Variants in FER observed in about 807,000 individuals in gnomAD.
FER encodes FER tyrosine kinase.
Under a neutral mutation model 111.0 loss-of-function variants are expected in FER, and 63 were observed. That is an observed-to-expected ratio of 0.57 (90% CI 0.46 to 0.70). The LOEUF (loss-of-function observed/expected upper bound fraction) is 0.70, where lower values mean the gene tolerates loss of function less well. FER is among the 30% of genes least tolerant of loss of function. FER has a pLI of 0.00. For synonymous variants in FER, 327 were observed against 313.9 expected, an observed-to-expected ratio of 1.04 and a Z score of -0.44; for missense variants, 914 against 954.0, an observed-to-expected ratio of 0.96 and a Z score of 0.55.
chr5:108,928,245 A>G (rs1362185918), intron 10 of FER, among the ~76,000 whole-genome samples: 1 of 152,188 alleles, frequency 6.6e-6, no homozygotes, highest in African/African-American at 2.4e-5. Flanking sequence ...GGTGGATTTT[A>G]AAATCTGGCC....
At chr5:109,181,984 A>G (rs1244162301) in intron 18 of FER, among the ~76,000 whole-genome samples, 1 of 152,244 alleles carries the variant, frequency 6.6e-6, no homozygotes, top group Non-Finnish European at 1.5e-5. Context: ...GGAATTTCAT[A>G]CAAATGGAAT....
chr5:108,762,053 G>A (rs1314848191), intron 1 of FER, among the ~76,000 whole-genome samples: 1 of 152,090 alleles, frequency 6.6e-6, no homozygotes, highest in Non-Finnish European at 1.5e-5. Context: ...TGGGACTATA[G>A]GTGTGTGCCT....
At chr5:108,839,233 A>G (rs1228692822) in intron 5 of FER, among the ~76,000 whole-genome samples, 1 of 152,218 alleles carries the variant, frequency 6.6e-6, no homozygotes, top group Non-Finnish European at 1.5e-5. Flanking sequence ...AATAAGTAAG[A>G]AGAGCTGACC....
chr5:108,893,932 A>G (rs1338288035), intron 9 of FER, among the ~76,000 whole-genome samples: 1 of 151,926 alleles, frequency 6.6e-6, no homozygotes, highest in Admixed American at 6.6e-5. Context: ...GCTAATAAAG[A>G]CATACCCAAG....
chr5:108,798,708 C>T (rs994234529), intron 3 of FER, among the ~76,000 whole-genome samples: 8 of 151,946 alleles, frequency 5.3e-5, no homozygotes, highest in Non-Finnish European at 7.4e-5. Context: ...ATTAGCTGGG[C>T]GTGGTAGCAT....
At chr5:109,112,592 ATAT>A (rs913167084) in intron 17 of FER, among the ~76,000 whole-genome samples, 6 of 152,098 alleles carry the variant, frequency 3.9e-5, no homozygotes, top group African/African-American at 1.4e-4. Flanking sequence ...TTTCTTTTTC[ATAT>A]TTCCATCTTT....
intron 10 of FER, among the ~76,000 whole-genome samples, chr5:108,939,844 G>C (rs895345626): frequency 6.6e-6 from 1 of 151,910 alleles, no homozygotes; most frequent in African/African-American, 2.4e-5. Context: ...ACTAGTTGCA[G>C]TAACAAAAGG....
At chr5:108,788,354 C>T (rs539431108) in intron 2 of FER, among the ~76,000 whole-genome samples, 1 of 152,134 alleles carries the variant, frequency 6.6e-6, no homozygotes, top group Non-Finnish European at 1.5e-5. Context: ...CTGCTCCACT[C>T]CTGGCTCACC....
intron 5 of FER, among the ~76,000 whole-genome samples, chr5:108,844,123 T>TATATGTGTGTGAACAC (rs1761617318): frequency 7.4e-6 from 1 of 134,852 alleles, no homozygotes; most frequent in African/African-American, 2.8e-5. Flanking sequence ...TGTGAACACA[T>TATATGTGTGTGAACAC]ATATGTGTGT....
At chr5:109,025,370 C>A (rs1460793815) in intron 13 of FER, among the ~76,000 whole-genome samples, 1 of 152,082 alleles carries the variant, frequency 6.6e-6, no homozygotes, top group African/African-American at 2.4e-5. Flanking sequence ...GTATTTTATT[C>A]TCTTTGGAGC....
At chr5:108,882,287 A>G (rs1315791102) in intron 8 of FER, among the ~76,000 whole-genome samples, 1 of 152,032 alleles carries the variant, frequency 6.6e-6, no homozygotes, top group Non-Finnish European at 1.5e-5. Flanking sequence ...AATTGTTTCC[A>G]TTAAAAAAAA....
At chr5:108,988,312 AT>A (rs370330407) in intron 13 of FER, among the ~76,000 whole-genome samples, 335 of 152,220 alleles carry the variant, frequency 2.2e-3, no homozygotes, top group African/African-American at 7.6e-3. Flanking sequence ...TCATAGAATG[AT>A]TTAGGGAGTA....
intron 16 of FER, among the ~76,000 whole-genome samples, chr5:109,095,399 A>G (rs3822685): frequency 0.034 from 5,218 of 152,042 alleles, 149 homozygotes; most frequent in South Asian, 0.084. Flanking sequence ...CTAATGTTTC[A>G]GTTTGTTTCT....
intron 11 of FER, 152 bp from the exon 12 acceptor site, chr5:108,954,577 T>G (rs1758182708): frequency 3.4e-6 from 2 of 584,814 alleles, no homozygotes; most frequent in Admixed American, 3.4e-5. Flanking sequence ...CACCAGTACT[T>G]CAAAAGATAT....
intron 17 of FER, among the ~76,000 whole-genome samples, chr5:109,105,762 C>A (rs1748840397): frequency 6.6e-6 from 1 of 152,124 alleles, no homozygotes; most frequent in Non-Finnish European, 1.5e-5. Flanking sequence ...TAACAGCTGG[C>A]ATTTATTAAG....
At chr5:109,120,586 C>G (rs923715794) in intron 17 of FER, among the ~76,000 whole-genome samples, 1 of 151,950 alleles carries the variant, frequency 6.6e-6, no homozygotes, top group Non-Finnish European at 1.5e-5. Context: ...TATTCTGGGT[C>G]TTTTGTGGTT....
intron 17 of FER, among the ~76,000 whole-genome samples, chr5:109,173,759 C>G (rs1462608197): frequency 1.1e-5 from 1 of 88,290 alleles, no homozygotes; most frequent in Non-Finnish European, 2.4e-5. Flanking sequence ...ATGTACCTCC[C>G]CCCCCCCCAC....
At chr5:109,065,404 C>G (rs1228470407) in intron 16 of FER, among the ~76,000 whole-genome samples, 1 of 152,144 alleles carries the variant, frequency 6.6e-6, no homozygotes, top group Non-Finnish European at 1.5e-5. Context: ...ATGATCTGGT[C>G]AGCATTAGCC....
chr5:109,032,140 G>C (rs927837630), intron 13 of FER, among the ~76,000 whole-genome samples: 1 of 152,110 alleles, frequency 6.6e-6, no homozygotes, highest in Admixed American at 6.6e-5. Flanking sequence ...AGGAGTGGTG[G>C]CTTCTGTGGG....
Sources: allele counts gnomAD v4.1 joint callset (sites outside exome capture counted in the v4.1 genomes callset), GRCh38; gene constraint gnomAD v4.1.1; transcripts MANE v1.5; gene names NCBI Gene and HGNC (gene_info 2026-07-23, HGNC 2026-07-21).